Variants in SH3GL2 observed in about 807,000 individuals in gnomAD.
SH3GL2 encodes the protein endophilin-A1.
In SH3GL2, 24 loss-of-function variants were observed where a neutral mutation model predicts 46.0. That is an observed-to-expected ratio of 0.52 (90% CI 0.38 to 0.73). SH3GL2 has a LOEUF of 0.73. SH3GL2 is among the 30% of genes least tolerant of loss of function. The probability of loss-of-function intolerance (pLI) is 0.00; values close to 1 mark genes in which losing one functional copy is unlikely to be tolerated. For synonymous variants in SH3GL2, 196 were observed against 147.1 expected, an observed-to-expected ratio of 1.33 and a Z score of -2.40; for missense variants, 413 against 424.2, an observed-to-expected ratio of 0.97 and a Z score of 0.23.
At chr9:17,777,643 C>A (rs889743778) in intron 3 of SH3GL2, among the ~76,000 whole-genome samples, 2 of 151,902 alleles carry the variant, frequency 1.3e-5, no homozygotes, top group East Asian at 1.9e-4. Context: ...GGTAGTTAGA[C>A]GCCTTCTCAC....
chr9:17,717,005 A>C (rs1392379344), intron 1 of SH3GL2, among the ~76,000 whole-genome samples: 1 of 152,070 alleles, frequency 6.6e-6, no homozygotes, highest in Non-Finnish European at 1.5e-5. Context: ...CTCTCACTCC[A>C]TTTTGCCCAG....
At position 17,619,591 on chromosome 9, in the gene SH3GL2, T is replaced by G. The variant is rs140718127; in HGVS notation, c.45+40304T>G. On this transcript the variant is annotated intron_variant, in intron 1 of 8. Transcript: ENST00000380607. ...TACTCGGGAGGCTGAGGCAGGAGAT[T>G]CGTTTGAACCCGGGAGGCAGAGGTT... 6.4e-3 allele frequency among the ~76,000 whole-genome samples: 979 copies of G among 152,178 alleles called. 11 individuals are homozygous for G. Among genetic ancestry groups the G allele is most frequent in the African/African-American group, 0.022 (917 of 41,484 alleles).
At chr9:17,719,186 C>G (rs1821832676) in intron 1 of SH3GL2, among the ~76,000 whole-genome samples, 1 of 152,090 alleles carries the variant, frequency 6.6e-6, no homozygotes, top group African/African-American at 2.4e-5. Flanking sequence ...AAGTGCCTTG[C>G]AGTAGTCATA....
chr9:17,790,174 C>G lies in SH3GL2; in HGVS notation c.624+624C>G, dbSNP rs187333056. Among the ~76,000 whole-genome samples the G allele has an allele frequency of 6.5e-4, 99 of 152,240 alleles. 1 individual carries two copies. The highest frequency in any genetic ancestry group is 2.2e-3 in the African/African-American group (92 of 41,546). The stretch of plus-strand genomic sequence containing the variant: ...CTAGAAGAGAGAGAGAACAAACTTG[C>G]CTTTCCTCTGCTTTTTATTCTATCT... On this transcript the variant is annotated intron_variant, in intron 6 of 8. Transcript: ENST00000380607.
chr9:17,612,178 T>C (rs1301859793), intron 1 of SH3GL2, among the ~76,000 whole-genome samples: 2 of 152,124 alleles, frequency 1.3e-5, no homozygotes, highest in African/African-American at 4.8e-5. Flanking sequence ...TCTCTCTAGT[T>C]CTGTGCACAG....
intron 1 of SH3GL2, among the ~76,000 whole-genome samples, chr9:17,594,157 G>C (rs1449474236): frequency 3.9e-5 from 6 of 152,262 alleles, no homozygotes; most frequent in East Asian, 1.9e-4. Flanking sequence ...CTGAAGTCCT[G>C]TTCAGGAGTC....
At chr9:17,761,407 T>G in intron 2 of SH3GL2, 30 bp from the exon 3 acceptor site, 1 of 1,423,256 alleles carries the variant, frequency 7.0e-7, no homozygotes, top group Non-Finnish European at 9.9e-7. Context: ...ATCATTTTTG[T>G]CATTTAGAGC....
chr9:17,773,081 A>G (rs555397790), intron 3 of SH3GL2, among the ~76,000 whole-genome samples: 1 of 152,252 alleles, frequency 6.6e-6, no homozygotes, highest in South Asian at 2.1e-4. Context: ...TGACCTAATG[A>G]TTAGTGAAGT....
intron 1 of SH3GL2, among the ~76,000 whole-genome samples, chr9:17,745,812 TCTTCTTAAA>T (rs1315599355): frequency 6.6e-6 from 1 of 152,134 alleles, no homozygotes; most frequent in African/African-American, 2.4e-5. Context: ...ATGGTAGGAA[TCTTCTTAAA>T]GACCCTCAAC....
chr9:17,607,163 A>G (rs531968193), intron 1 of SH3GL2, among the ~76,000 whole-genome samples: 21 of 152,324 alleles, frequency 1.4e-4, no homozygotes, highest in Middle Eastern at 3.4e-3. Flanking sequence ...TGATTTCATA[A>G]TTGTGTGAAC....
At chr9:17,725,509 C>T (rs1216217287) in intron 1 of SH3GL2, among the ~76,000 whole-genome samples, 2 of 152,144 alleles carry the variant, frequency 1.3e-5, no homozygotes, top group Middle Eastern at 3.2e-3. Context: ...CCAATAAAGT[C>T]AGTCTCCTCA....
chr9:17,703,451 A>T (rs1258662338), intron 1 of SH3GL2, among the ~76,000 whole-genome samples: 1 of 152,002 alleles, frequency 6.6e-6, no homozygotes, highest in Admixed American at 6.6e-5. Flanking sequence ...TCATTCTGTG[A>T]GGTCAGCATC....
intron 1 of SH3GL2, among the ~76,000 whole-genome samples, chr9:17,631,533 A>T (rs1819421444): frequency 6.6e-6 from 1 of 152,172 alleles, no homozygotes. Context: ...ATTTGTAGGT[A>T]AGTGGTTTCT....
intron 1 of SH3GL2, among the ~76,000 whole-genome samples, chr9:17,645,280 G>T (rs1819787120): frequency 6.7e-6 from 1 of 148,590 alleles, no homozygotes; most frequent in African/African-American, 2.5e-5. Context: ...ACACACTGAT[G>T]GGTCTCCTGA....
chr9:17,635,007 G>A (rs764242821), intron 1 of SH3GL2, among the ~76,000 whole-genome samples: 1 of 152,140 alleles, frequency 6.6e-6, no homozygotes, highest in Non-Finnish European at 1.5e-5. Context: ...TCAAGGATAC[G>A]TGGGCAAGAT....
At chr9:17,603,154 A>G (rs1818700130) in intron 1 of SH3GL2, among the ~76,000 whole-genome samples, 1 of 152,124 alleles carries the variant, frequency 6.6e-6, no homozygotes, top group African/African-American at 2.4e-5. Flanking sequence ...AAATATCCTG[A>G]TATGTTAAAA....
intron 1 of SH3GL2, among the ~76,000 whole-genome samples, chr9:17,580,497 C>A (rs1432234842): frequency 2.6e-5 from 4 of 152,200 alleles, no homozygotes; most frequent in African/African-American, 9.7e-5. Context: ...CTTCATCACA[C>A]ATTCTTGCCT....
At chr9:17,774,917 TG>T in intron 3 of SH3GL2, among the ~76,000 whole-genome samples, 1 of 143,044 alleles carries the variant, frequency 7.0e-6, no homozygotes, top group East Asian at 1.9e-4. Flanking sequence ...ATCCTAGGCT[TG>T]TTTTTGTTGG....
intron 1 of SH3GL2, among the ~76,000 whole-genome samples, chr9:17,720,777 A>G (rs896682640): frequency 2.0e-5 from 3 of 152,130 alleles, no homozygotes; most frequent in African/African-American, 7.2e-5. Flanking sequence ...AGAAAGCCTA[A>G]TGGTCTTGGT....
Sources: allele counts gnomAD v4.1 joint callset (sites outside exome capture counted in the v4.1 genomes callset), GRCh38; gene constraint gnomAD v4.1.1; transcripts MANE v1.5; gene names NCBI Gene and HGNC (gene_info 2026-07-23, HGNC 2026-07-21).